Variants in MACROD2 observed in about 807,000 individuals in gnomAD.
MACROD2 encodes the protein mono-ADP ribosylhydrolase 2.
Under a neutral mutation model 70.4 loss-of-function variants are expected in MACROD2, and 36 were observed. That is an observed-to-expected ratio of 0.51 (90% CI 0.39 to 0.68). MACROD2 has a LOEUF of 0.68. Among genes scored for constraint, MACROD2 ranks in the 30% least tolerant of loss-of-function variants. MACROD2 has a pLI of 0.00. For missense variants in MACROD2, 496 were observed against 538.4 expected (o/e 0.92, Z 0.78); for synonymous variants, 172 against 178.8 (o/e 0.96, Z 0.30).
chr20:14,351,241 G>T (rs745778591), intron 3 of MACROD2, among the ~76,000 whole-genome samples: 23 of 151,656 alleles, frequency 1.5e-4, no homozygotes, highest in Admixed American at 4.6e-4. Context: ...TGGTTTTTTT[G>T]TTGTTGTTGT....
At chr20:14,425,862 A>G (rs770578655) in intron 3 of MACROD2, among the ~76,000 whole-genome samples, 1 of 152,196 alleles carries the variant, frequency 6.6e-6, no homozygotes, top group Non-Finnish European at 1.5e-5. Context: ...TTTCAAATAA[A>G]TGCTACTTTG....
intron 5 of MACROD2, among the ~76,000 whole-genome samples, chr20:15,071,771 G>T (rs551117596): frequency 6.6e-6 from 1 of 152,278 alleles, no homozygotes; most frequent in South Asian, 2.1e-4. Context: ...TTCAGGGTTT[G>T]TTGTTCTGAA....
chr20:14,499,197 A>G (rs777482458), intron 4 of MACROD2, among the ~76,000 whole-genome samples: 1 of 152,126 alleles, frequency 6.6e-6, no homozygotes, highest in Non-Finnish European at 1.5e-5. Context: ...GAGATGCAGG[A>G]AAGGATGTGA....
At chr20:15,973,121 C>T (rs1375008041) in intron 13 of MACROD2, among the ~76,000 whole-genome samples, 1 of 151,948 alleles carries the variant, frequency 6.6e-6, no homozygotes, top group Non-Finnish European at 1.5e-5. Flanking sequence ...GAGAGGGCTG[C>T]CTGGCTGGAT....
chr20:14,034,611 T>G (rs2053285562), intron 2 of MACROD2, among the ~76,000 whole-genome samples: 1 of 152,224 alleles, frequency 6.6e-6, no homozygotes, highest in Non-Finnish European at 1.5e-5. Context: ...TCAACTGCAT[T>G]ATTTTTGCCA....
At chr20:14,403,971 T>C (rs1440045256) in intron 3 of MACROD2, among the ~76,000 whole-genome samples, 1 of 151,240 alleles carries the variant, frequency 6.6e-6, no homozygotes, top group African/African-American at 2.4e-5. Flanking sequence ...ATTAGGGGAG[T>C]TGAAAATAAA....
In MACROD2 at chr20:15,587,054, C is replaced by T. The variant is rs545100329; in HGVS notation, c.645+87207C>T. 6.6e-5 allele frequency among the ~76,000 whole-genome samples: 10 copies of T among 152,168 alleles called. No individual in the cohort carries two copies. In the South Asian group the frequency reaches 1.0e-3, roughly 16 times the overall value. ...ATTCCAATAAAATACTATATTAGTC[C>T]GTTTTAACACTGCTGATAAATCATA... On this transcript the variant is annotated intron_variant, in intron 8 of 17. Transcript: ENST00000684519.
chr20:14,234,460 C>T (rs1380730411), intron 3 of MACROD2, among the ~76,000 whole-genome samples: 1 of 152,064 alleles, frequency 6.6e-6, no homozygotes, highest in Non-Finnish European at 1.5e-5. Flanking sequence ...CCTGTAAGTA[C>T]ATATTTCCTG....
chr20:15,703,829 G>A (rs551218028), intron 8 of MACROD2, among the ~76,000 whole-genome samples: 3 of 152,274 alleles, frequency 2.0e-5, no homozygotes, highest in Admixed American at 1.3e-4. Context: ...CTCATGCCAC[G>A]GAGGCTACTC....
chr20:15,802,794 A>C (rs965570297), intron 8 of MACROD2, among the ~76,000 whole-genome samples: 1 of 152,084 alleles, frequency 6.6e-6, no homozygotes, highest in African/African-American at 2.4e-5. Flanking sequence ...GAAAAAAGAT[A>C]ATATATCCAA....
chr20:14,047,833 G>T (rs1018815521), intron 2 of MACROD2, among the ~76,000 whole-genome samples: 1 of 152,090 alleles, frequency 6.6e-6, no homozygotes, highest in African/African-American at 2.4e-5. Flanking sequence ...TAGTAAAATG[G>T]TAGAATAAAT....
rs79922026 is a variant in MACROD2, at chr20:15,863,350, C to G, written c.727+524C>G. 7.0e-4 allele frequency among the ~76,000 whole-genome samples: 107 copies of G among 152,270 alleles called. 1 individual carries two copies. In the East Asian group the frequency reaches 0.02, roughly 29 times the overall value. ...GTGCAGTCTGAGAATGGCAGTCATT[C>G]ACACTTCTTTTTAGAAAATAGGAGA... On this transcript the variant is annotated intron_variant, in intron 9 of 17. Transcript: ENST00000684519.
At chr20:15,298,222 C>T (rs2077609180) in intron 6 of MACROD2, among the ~76,000 whole-genome samples, 2 of 152,184 alleles carry the variant, frequency 1.3e-5, no homozygotes, top group Non-Finnish European at 1.5e-5. Flanking sequence ...CCTACTGAAG[C>T]CTCTGGAACA....
At chr20:15,834,570 A>G (rs1294435537) in intron 8 of MACROD2, among the ~76,000 whole-genome samples, 1 of 152,106 alleles carries the variant, frequency 6.6e-6, no homozygotes, top group Non-Finnish European at 1.5e-5. Flanking sequence ...CTCATCATAT[A>G]CAAGTCTGTC....
At chr20:15,063,371 C>A (rs1349057227) in intron 5 of MACROD2, among the ~76,000 whole-genome samples, 4 of 152,208 alleles carry the variant, frequency 2.6e-5, no homozygotes, top group South Asian at 2.1e-4. Flanking sequence ...TTCTACCACA[C>A]TCTGTGAGGG....
At chr20:15,978,239 C>T (rs981141787) in intron 13 of MACROD2, among the ~76,000 whole-genome samples, 1 of 152,122 alleles carries the variant, frequency 6.6e-6, no homozygotes, top group African/African-American at 2.4e-5. Context: ...CCAGGACCAC[C>T]CCCCTCCCCA....
intron 5 of MACROD2, among the ~76,000 whole-genome samples, chr20:14,763,809 G>T (rs759963660): frequency 1.4e-4 from 21 of 152,028 alleles, no homozygotes; most frequent in Admixed American, 6.5e-5. Flanking sequence ...TCTAGTGGCA[G>T]CTGTACATCT....
chr20:15,938,353 G>A lies in MACROD2; in HGVS notation c.907+809G>A, dbSNP rs567047000. Among the ~76,000 whole-genome samples the A allele has an allele frequency of 1.1e-4, 16 of 152,158 alleles. No individual in the cohort carries two copies. The East Asian group carries it at 2.7e-3, about 26-fold the overall frequency. On this transcript the variant is annotated intron_variant, in intron 12 of 17. Coordinates refer to ENST00000684519, the MANE Select transcript of MACROD2 (RefSeq NM_001351661.2). Reference sequence around the variant, plus strand: ...GAACCCTGCATCAAGCAAGTCTGTCGGCACCATCTTTCCAACAGCATGTGC... The same window carrying A: ...GAACCCTGCATCAAGCAAGTCTGTCAGCACCATCTTTCCAACAGCATGTGC...
intron 3 of MACROD2, among the ~76,000 whole-genome samples, chr20:14,330,753 G>A (rs1443526843): frequency 6.6e-6 from 1 of 152,058 alleles, no homozygotes; most frequent in Non-Finnish European, 1.5e-5. Context: ...TTAATGTGAG[G>A]TTTTACTGTG....
Sources: allele counts gnomAD v4.1 joint callset (sites outside exome capture counted in the v4.1 genomes callset), GRCh38; gene constraint gnomAD v4.1.1; transcripts MANE v1.5; gene names NCBI Gene and HGNC (gene_info 2026-07-23, HGNC 2026-07-21).